KLF7: variants seen among roughly 807,000 people sequenced by gnomAD.
The protein encoded by KLF7 is KLF transcription factor 7.
In KLF7, 2 loss-of-function variants were observed where a neutral mutation model predicts 27.3. That is an observed-to-expected ratio of 0.07 (90% CI 0.03 to 0.23). The LOEUF is 0.23. Ranked by LOEUF, KLF7 falls within the 10% of genes least tolerant of loss-of-function variation. The pLI is 1.00. For synonymous variants in KLF7, 165 were observed against 162.4 expected (o/e 1.02, Z -0.12); for missense variants, 221 against 394.1 (o/e 0.56, Z 3.72).
chr2:207,160,006 G>C (rs1419035638), intron 1 of KLF7, among the ~76,000 whole-genome samples: 5 of 152,070 alleles, frequency 3.3e-5, no homozygotes, highest in African/African-American at 1.2e-4. Flanking sequence ...TCCCAGTAAT[G>C]GCAACATTTT....
intron 1 of KLF7, among the ~76,000 whole-genome samples, chr2:207,160,163 T>C (rs1240086950): frequency 1.3e-5 from 2 of 152,200 alleles, no homozygotes; most frequent in African/African-American, 4.8e-5. Flanking sequence ...ACACCATTAG[T>C]AGTTGAGTTT....
At chr2:207,132,892 G>A (rs1462667869) in intron 1 of KLF7, among the ~76,000 whole-genome samples, 1 of 152,218 alleles carries the variant, frequency 6.6e-6, no homozygotes, top group African/African-American at 2.4e-5. Context: ...GGGACATGAT[G>A]GCCCATGCAC....
chr2:207,138,143 C>T (rs1179085943), intron 1 of KLF7, among the ~76,000 whole-genome samples: 1 of 152,160 alleles, frequency 6.6e-6, no homozygotes, highest in African/African-American at 2.4e-5. Context: ...ATCCCCTCTC[C>T]CCTTTGTTCC....
At position 207,079,882 on chromosome 2, in the gene KLF7, G is replaced by A. The variant is rs1295994040; in HGVS notation, c.*1331C>T. ...TTTAAATTGTGTATTGTAACACGTAGGGGAATAGGAGCTCAGTGGGCATGA... is the reference window on the plus strand; with the variant it reads ...TTTAAATTGTGTATTGTAACACGTAAGGGAATAGGAGCTCAGTGGGCATGA... On this transcript the variant is annotated 3_prime_UTR_variant, in exon 4 of 4. Transcript: ENST00000309446. 6.6e-6 allele frequency: 1 copy of A among 152,194 alleles called. No homozygotes were observed. Among genetic ancestry groups the A allele is most frequent in the Non-Finnish European group, 1.5e-5 (1 of 68,038 alleles). The allele number at this position is 152,194 out of a possible 1,614,324, so 9.4% of individuals were successfully genotyped here. A position where few individuals can be genotyped will look rare whatever the true frequency, so the allele number is the denominator to read the frequency against.
At chr2:207,158,625 A>G (rs1310803425) in intron 1 of KLF7, among the ~76,000 whole-genome samples, 1 of 152,166 alleles carries the variant, frequency 6.6e-6, no homozygotes, top group East Asian at 1.9e-4. Context: ...AATAATTTTT[A>G]TAAGACTCGA....
intron 1 of KLF7, among the ~76,000 whole-genome samples, chr2:207,128,465 G>A (rs997820604): frequency 1.3e-5 from 2 of 152,146 alleles, no homozygotes; most frequent in Admixed American, 6.5e-5. Flanking sequence ...ATTACCAATG[G>A]ATGCTAAAAC....
intron 1 of KLF7, among the ~76,000 whole-genome samples, chr2:207,125,454 A>G (rs1394277284): frequency 6.6e-6 from 1 of 152,228 alleles, no homozygotes; most frequent in Admixed American, 6.5e-5. Flanking sequence ...AGACCCACTG[A>G]TGGCAAATTT....
intron 1 of KLF7, among the ~76,000 whole-genome samples, chr2:207,139,655 T>A (rs2077884873): frequency 6.6e-6 from 1 of 152,196 alleles, no homozygotes; most frequent in East Asian, 1.9e-4. Context: ...CTTCATTTCA[T>A]AAGCTTTTCA....
chr2:207,122,764 A>G (rs1458776290), intron 2 of KLF7, among the ~76,000 whole-genome samples: 1 of 152,126 alleles, frequency 6.6e-6, no homozygotes, highest in Admixed American at 6.5e-5. Flanking sequence ...TCTCTCCAAG[A>G]ATGCTTTTAT....
Position 207,093,684 on chromosome 2 carries a change from C to G in KLF7, c.734-5103G>C, listed in dbSNP as rs188749567. 3.3e-5 allele frequency among the ~76,000 whole-genome samples: 5 copies of G among 152,324 alleles called. 1 individual carries two copies. In the South Asian group the frequency reaches 8.3e-4, roughly 25 times the overall value. On this transcript the variant is annotated intron_variant, in intron 2 of 3. Coordinates refer to ENST00000309446, the MANE Select transcript of KLF7 (RefSeq NM_003709.4). ...TTTGTTCACTGTGATACCAACAGCACTAAAGCAGTGCTTGGCTCAATCCCG... is the reference window on the plus strand; with the variant it reads ...TTTGTTCACTGTGATACCAACAGCAGTAAAGCAGTGCTTGGCTCAATCCCG...
intron 2 of KLF7, among the ~76,000 whole-genome samples, chr2:207,091,092 C>T (rs906572195): frequency 1.1e-4 from 16 of 152,158 alleles, no homozygotes; most frequent in African/African-American, 3.6e-4. Context: ...ATCCCAAAAT[C>T]GAACTGACTT....
chr2:207,144,029 C>CATTT (rs1559158144), intron 1 of KLF7, among the ~76,000 whole-genome samples: 3 of 151,992 alleles, frequency 2.0e-5, no homozygotes, highest in Non-Finnish European at 2.9e-5. Flanking sequence ...GGCAGGCTGG[C>CATTT]TCCAGGGGAA....
At chr2:207,115,870 A>G (rs1337137669) in intron 2 of KLF7, among the ~76,000 whole-genome samples, 1 of 152,228 alleles carries the variant, frequency 6.6e-6, no homozygotes, top group East Asian at 1.9e-4. Flanking sequence ...TGACCACAAC[A>G]GTCTACAGTG....
intron 2 of KLF7, among the ~76,000 whole-genome samples, chr2:207,095,294 C>T (rs935659953): frequency 5.9e-5 from 9 of 152,106 alleles, no homozygotes; most frequent in South Asian, 2.1e-4. Flanking sequence ...GTGATCCGCC[C>T]GCCTCGGCCT....
intron 2 of KLF7, among the ~76,000 whole-genome samples, chr2:207,122,403 G>C (rs1202120628): frequency 6.6e-6 from 1 of 152,114 alleles, no homozygotes; most frequent in Non-Finnish European, 1.5e-5. Context: ...CCTCCCATGG[G>C]AATAACTCTA....
At chr2:207,165,366 C>T (rs1425753125) in intron 1 of KLF7, 101 bp downstream of exon 1, 1 of 1,519,966 alleles carries the variant, frequency 6.6e-7, no homozygotes, top group East Asian at 2.3e-5. Flanking sequence ...AAAAAAAAGT[C>T]AAACAAACAA....
chr2:207,148,509 T>G (rs993712652), intron 1 of KLF7, among the ~76,000 whole-genome samples: 1 of 152,168 alleles, frequency 6.6e-6, no homozygotes, highest in Non-Finnish European at 1.5e-5. Context: ...CCCAAAAAGA[T>G]AGTAATGAGC....
chr2:207,123,712 C>T, intron 2 of KLF7, 62 bp downstream of exon 2: 2 of 1,540,224 alleles, frequency 1.3e-6, no homozygotes, highest in Non-Finnish European at 8.8e-7. Context: ...AGGAGCCCTC[C>T]CACATGACGA....
chr2:207,118,917 A>T lies in KLF7; in HGVS notation c.733+4857T>A, dbSNP rs2077262681. Among the ~76,000 whole-genome samples the T allele has an allele frequency of 3.9e-5, 6 of 152,206 alleles. No individual in the cohort carries two copies. The South Asian group carries it at 1.2e-3, about 31-fold the overall frequency. On this transcript the variant is annotated intron_variant, in intron 2 of 3. Coordinates refer to ENST00000309446, the MANE Select transcript of KLF7 (RefSeq NM_003709.4). ...TTGTAGTATTTTTAGCCACCTTTTC[A>T]TTTGAAAATAAACTATTTCCCTAAA...
Sources: gnomAD v4.1 joint callset for allele counts (sites outside exome capture counted in the v4.1 genomes callset) on GRCh38, gnomAD v4.1.1 for gene constraint, MANE v1.5 for transcripts, NCBI Gene and HGNC (gene_info 2026-07-23, HGNC 2026-07-21) for gene names.